MAF: variants seen among roughly 807,000 people sequenced by gnomAD.
MAF encodes MAF bZIP transcription factor.
A neutral mutation model predicts 22.0 loss-of-function variants in MAF; 10 were observed. That is an observed-to-expected ratio of 0.45 (90% CI 0.28 to 0.77). The LOEUF (loss-of-function observed/expected upper bound fraction) is 0.77. MAF is among the 30% of genes least tolerant of loss of function. MAF has a pLI of 0.12. For synonymous variants in MAF, 337 were observed against 255.8 expected, an observed-to-expected ratio of 1.32 and a Z score of -3.03; for missense variants, 544 against 548.4, an observed-to-expected ratio of 0.99 and a Z score of 0.08.
chr16:79,526,440 T>G, the MAF span, among the ~76,000 whole-genome samples: 2 of 152,160 alleles, frequency 1.3e-5, no homozygotes, highest in Non-Finnish European at 2.9e-5. Flanking sequence ...TATATACACG[T>G]GAAGCTTTGC....
At chr16:79,215,081 G>C in the MAF span, among the ~76,000 whole-genome samples, 3 of 152,072 alleles carry the variant, frequency 2.0e-5, no homozygotes, top group African/African-American at 4.8e-5. Flanking sequence ...TGATGAAAAA[G>C]CTGAGGCCAA....
chr16:79,218,506 C>G, the MAF span, among the ~76,000 whole-genome samples: 1 of 152,194 alleles, frequency 6.6e-6, no homozygotes, highest in African/African-American at 2.4e-5. Context: ...GCCTTTGCCA[C>G]AGAGAGCCAC....
the MAF span, among the ~76,000 whole-genome samples, chr16:79,352,545 G>A: frequency 2.0e-5 from 3 of 152,118 alleles, no homozygotes; most frequent in Non-Finnish European, 4.4e-5. Flanking sequence ...GCTAGAAATT[G>A]GGCTACATAT....
At chr16:79,334,637 G>A in the MAF span, among the ~76,000 whole-genome samples, 1 of 152,164 alleles carries the variant, frequency 6.6e-6, no homozygotes, top group Non-Finnish European at 1.5e-5. Context: ...CAACAGCAGA[G>A]CATTCAATGA....
chr16:79,366,747 A>C, the MAF span, among the ~76,000 whole-genome samples: 1 of 152,246 alleles, frequency 6.6e-6, no homozygotes, highest in Non-Finnish European at 1.5e-5. Flanking sequence ...TGAGAAACGT[A>C]TGGTGCTAGA....
At chr16:79,442,359 TTTTATTTATTTA>T in the MAF span, among the ~76,000 whole-genome samples, 1 of 151,918 alleles carries the variant, frequency 6.6e-6, no homozygotes, top group African/African-American at 2.4e-5. Flanking sequence ...TATCCTTTTA[TTTTATTTATTTA>T]TTTATTTATT....
chr16:79,509,217 G>A, the MAF span, among the ~76,000 whole-genome samples: 1 of 152,220 alleles, frequency 6.6e-6, no homozygotes, highest in Non-Finnish European at 1.5e-5. Flanking sequence ...ATTCTAAGCA[G>A]AAGCAGAATA....
chr16:79,535,089 A>G, the MAF span, among the ~76,000 whole-genome samples: 1 of 151,270 alleles, frequency 6.6e-6, no homozygotes, highest in Non-Finnish European at 1.5e-5. Context: ...AAGTCAATTT[A>G]TCAATTCTGC....
the MAF span, among the ~76,000 whole-genome samples, chr16:79,241,821 C>G: frequency 1.3e-5 from 2 of 152,036 alleles, no homozygotes; most frequent in African/African-American, 2.4e-5. Flanking sequence ...CAAAGGGAAG[C>G]CCATCAGACT....
the MAF span, among the ~76,000 whole-genome samples, chr16:79,272,425 G>A: frequency 1.3e-5 from 2 of 152,334 alleles, no homozygotes; most frequent in East Asian, 3.9e-4. Context: ...GCCCCCTGGA[G>A]GCCCTGTGCG....
the MAF span, among the ~76,000 whole-genome samples, chr16:79,433,276 A>AT: frequency 0.015 from 2,130 of 143,118 alleles, 19 homozygotes; most frequent in Non-Finnish European, 0.021. Context: ...GTAAAAAAAA[A>AT]AATATATATA....
chr16:79,256,433 C>T, the MAF span, among the ~76,000 whole-genome samples: 214 of 152,236 alleles, frequency 1.4e-3, 1 homozygote, highest in African/African-American at 5.0e-3. Context: ...TTAGCGGGTT[C>T]GTACCTAATG....
the MAF span, among the ~76,000 whole-genome samples, chr16:79,526,754 A>G: frequency 2.6e-5 from 4 of 152,348 alleles, no homozygotes; most frequent in South Asian, 8.3e-4. Context: ...TACTCCCACC[A>G]TGGACAATTT....
chr16:79,270,266 A>T, the MAF span, among the ~76,000 whole-genome samples: 1 of 152,148 alleles, frequency 6.6e-6, no homozygotes, highest in East Asian at 1.9e-4. Flanking sequence ...TGCTGGCCTG[A>T]GGGCTGCAGG....
At chr16:79,598,703 A>C (rs918418089) in intron 1 of MAF, 82 bp downstream of exon 1, 5 of 1,592,560 alleles carry the variant, frequency 3.1e-6, no homozygotes, top group Non-Finnish European at 4.3e-6. Flanking sequence ...GCATGGCTCT[A>C]GAACTAGCAA....
chr16:79,311,031 T>C, the MAF span, among the ~76,000 whole-genome samples: 1 of 151,574 alleles, frequency 6.6e-6, no homozygotes, highest in Admixed American at 6.6e-5. Context: ...TTTTTTTTTT[T>C]TTCTGCAAAA....
At chr16:79,228,880 T>C in the MAF span, among the ~76,000 whole-genome samples, 3 of 151,834 alleles carry the variant, frequency 2.0e-5, no homozygotes, top group East Asian at 5.8e-4. Context: ...TAGACTACAG[T>C]GAGAATGGTA....
chr16:79,459,924 T>G, the MAF span, among the ~76,000 whole-genome samples: 2 of 152,152 alleles, frequency 1.3e-5, no homozygotes, highest in Non-Finnish European at 2.9e-5. Flanking sequence ...CTGTGAGCAC[T>G]TGGATGGATT....
the MAF span, among the ~76,000 whole-genome samples, chr16:79,267,277 A>G: frequency 6.6e-6 from 1 of 152,142 alleles, no homozygotes; most frequent in African/African-American, 2.4e-5. Flanking sequence ...AAATCACTCT[A>G]TGGAGGGTCC....
Sources: gnomAD v4.1 joint callset for allele counts (sites outside exome capture counted in the v4.1 genomes callset) on GRCh38, gnomAD v4.1.1 for gene constraint, MANE v1.5 for transcripts, NCBI Gene and HGNC (gene_info 2026-07-23, HGNC 2026-07-21) for gene names.